CA12: variants seen among roughly 807,000 people sequenced by gnomAD.
CA12 encodes the protein carbonate dehydratase XII.
In CA12, 36 loss-of-function variants were observed where a neutral mutation model predicts 46.8. The ratio of observed to expected loss-of-function variants is 0.77; its 90% CI spans 0.59 to 1.02. The LOEUF (loss-of-function observed/expected upper bound fraction) is 1.02, where lower values mean the gene tolerates loss of function less well. Among genes scored for constraint, CA12 ranks in the 50% least tolerant of loss-of-function variants. The pLI, the probability that CA12 is intolerant of heterozygous loss-of-function variation, is 0.00. For synonymous variants in CA12, 202 were observed against 187.0 expected, an observed-to-expected ratio of 1.08 and a Z score of -0.65; for missense variants, 436 against 451.4, an observed-to-expected ratio of 0.97 and a Z score of 0.31.
intron 1 of CA12, among the ~76,000 whole-genome samples, chr15:63,381,237 G>A (rs1386175370): frequency 3.3e-5 from 5 of 152,112 alleles, no homozygotes; most frequent in Non-Finnish European, 7.3e-5. Context: ...CTGCACAGGG[G>A]CACAGCAAAC....
chr15:63,340,383 A>G lies in CA12; in HGVS notation c.652T>C (p.Tyr218His). ...GTCAGGGACCCCCGGTAGCGGTAAT[A>G]TTCAGCGGTCCTCTCCGGAAGCAGC... ...EELLPERTAE[Y>H]YRYRGSLTTP... The change falls in exon 7 of 11, where the codon TAT (tyrosine) becomes CAT (histidine). Residue 218 changes from tyrosine to histidine, a missense_variant. Transcript: ENST00000178638. The surrounding 1 kb of genome is among the most constrained non-coding windows in gnomAD (Gnocchi z 4.4). The G allele has an allele frequency of 6.2e-7, 1 of 1,614,198 alleles. No individual in the cohort carries two copies. The highest frequency in any genetic ancestry group is 8.5e-7 in the Non-Finnish European group (1 of 1,180,022).
chr15:63,349,108 A>T (rs1358129030), intron 2 of CA12, among the ~76,000 whole-genome samples: 1 of 151,476 alleles, frequency 6.6e-6, no homozygotes, highest in Non-Finnish European at 1.5e-5. Flanking sequence ...TCAGTGGGTT[A>T]TGTTCCCTGC....
intron 8 of CA12, among the ~76,000 whole-genome samples, chr15:63,333,904 C>T (rs1414136369): frequency 2.6e-5 from 4 of 152,202 alleles, no homozygotes; most frequent in Non-Finnish European, 4.4e-5. Context: ...TTTTGTCCCT[C>T]AAGTTTCCAT....
At position 63,345,557 on chromosome 15, in the gene CA12, G is replaced by A; in HGVS notation, c.349C>T (p.Gln117Ter). 1 of 1,613,468 alleles carries A rather than the reference G, an allele frequency of 6.2e-7. No individual in the cohort carries two copies. Among genetic ancestry groups the A allele is most frequent in the Non-Finnish European group, 8.5e-7 (1 of 1,180,010 alleles). The change falls in exon 4 of 11, where the codon CAG becomes TAG. Residue 117 changes from glutamine to a stop codon, truncating the protein, a stop_gained. Transcript: ENST00000178638. LOFTEE classifies it high-confidence loss of function. The surrounding 1 kb of genome is among the most constrained non-coding windows in gnomAD (Gnocchi z 4.3). ...GGGTTCCCCCAGTGCAGGTGCAGCT[G>A]CGTGGCACTGTAGCGAGACTGGAGG... ...QGLQSRYSAT[Q>*]LHLHWGNPND... is the part of the protein sequence containing the mutation.
intron 2 of CA12, among the ~76,000 whole-genome samples, chr15:63,362,664 G>A (rs998067795): frequency 2.0e-5 from 3 of 152,202 alleles, no homozygotes; most frequent in Non-Finnish European, 4.4e-5. Flanking sequence ...AAGATTGGCC[G>A]CTGGACGTTG....
intron 4 of CA12, among the ~76,000 whole-genome samples, chr15:63,342,439 T>C (rs898000363): frequency 1.3e-5 from 2 of 152,114 alleles, no homozygotes; most frequent in African/African-American, 2.4e-5. Flanking sequence ...CGGTTGAGAG[T>C]TATCATCAAT....
chr15:63,346,733 A>G (rs2039155544), intron 2 of CA12, 24 bp from the exon 3 acceptor site: 5 of 1,612,750 alleles, frequency 3.1e-6, no homozygotes, highest in Middle Eastern at 1.6e-4. Context: ...TCCATGCTCA[A>G]GATTTAGAGT....
intron 4 of CA12, 129 bp from the exon 5 acceptor site, chr15:63,342,226 T>C: frequency 1.4e-6 from 1 of 702,252 alleles, no homozygotes. Context: ...CTAGGTTAGG[T>C]CTCTCAGACC....
chr15:63,350,950 G>A (rs935534739), intron 2 of CA12, among the ~76,000 whole-genome samples: 1 of 151,926 alleles, frequency 6.6e-6, no homozygotes, highest in Non-Finnish European at 1.5e-5. Context: ...AAAACATAAG[G>A]GCTCTTAAAA....
chr15:63,366,560 C>T (rs1479846434), intron 2 of CA12, among the ~76,000 whole-genome samples: 1 of 152,188 alleles, frequency 6.6e-6, no homozygotes, highest in Non-Finnish European at 1.5e-5. Flanking sequence ...AATACTTATC[C>T]GTTTCTTTAG....
chr15:63,371,491 C>G (rs2039506442), intron 2 of CA12, among the ~76,000 whole-genome samples: 1 of 152,176 alleles, frequency 6.6e-6, no homozygotes, highest in African/African-American at 2.4e-5. Context: ...CACCTGGCAC[C>G]CCCGTGCCAG....
Position 63,331,708 on chromosome 15 carries a change from AG to A in CA12, c.875-3579del. ...CGATGGTCACACACCTTGCCCAGGA[AG>A]GTACAGACACCCGGAGAAGGTCGGT... On this transcript the variant is annotated intron_variant, in intron 8 of 10. Transcript: ENST00000178638. The surrounding 1 kb of genome is among the most constrained non-coding windows in gnomAD (Gnocchi z 5.3). 6.6e-6 allele frequency: 1 copy of A among 152,382 alleles called. No individual in the cohort carries two copies. Among genetic ancestry groups the A allele is most frequent in the Non-Finnish European group, 1.5e-5 (1 of 68,054 alleles). 9.4% of individuals were successfully genotyped at this position (152,382 alleles called of 1,614,324 possible).
At position 63,341,678 on chromosome 15, in the gene CA12, G is replaced by T. The variant is rs2039081278; in HGVS notation, c.525+324C>A. Among the ~76,000 whole-genome samples the T allele has an allele frequency of 6.6e-6, 1 of 152,178 alleles. No homozygotes were observed. Among genetic ancestry groups the T allele is most frequent in the South Asian group, 2.1e-4 (1 of 4,828 alleles). On this transcript the variant is annotated intron_variant, in intron 5 of 10. Transcript: ENST00000178638. The surrounding 1 kb of genome is among the most constrained non-coding windows in gnomAD (Gnocchi z 5.2). ...ATCAAGAGTTCAGGCATCTGATGGG[G>T]CAGATGGAGTTTGATGATCCCTTTC... is the stretch of plus-strand genomic sequence containing the variant.
rs2039128964 is a variant in CA12 at position 63,345,144 on chromosome 15, T to G, written c.429+333A>C. On this transcript the variant is annotated intron_variant, in intron 4 of 10. Transcript: ENST00000178638. The surrounding 1 kb of genome is among the most constrained non-coding windows in gnomAD (Gnocchi z 4.3). ...AGCCCAGTGTGAGTCAGCAGGAGAT[T>G]TTTATCTGCACAGATAGGAAGGCAA... is the stretch of plus-strand genomic sequence containing the variant. 6.6e-6 allele frequency among the ~76,000 whole-genome samples: 1 copy of G among 152,152 alleles called. No individual in the cohort carries two copies. The highest frequency in any genetic ancestry group is 1.5e-5 in the Non-Finnish European group (1 of 68,020).
intron 2 of CA12, chr15:63,375,384 T>G: frequency 2.7e-6 from 1 of 364,300 alleles, no homozygotes; most frequent in Admixed American, 4.4e-5. Flanking sequence ...ATCTTGGAGG[T>G]TTGGTAGAAA....
At chr15:63,343,695 G>A (rs187773225) in intron 4 of CA12, among the ~76,000 whole-genome samples, 2 of 152,196 alleles carry the variant, frequency 1.3e-5, no homozygotes, top group Admixed American at 6.5e-5. Context: ...GGCATTTATG[G>A]TCCATCTTAA....
At position 63,381,778 on chromosome 15, in the gene CA12, C is replaced by G. The variant is rs1363743386; in HGVS notation, c.-58G>C. ...GTGCCGGGGGCTCCCGGTGGCCGCT[C>G]GCTCTCCAGCTGCACACCGGGACCG... On this transcript the variant is annotated 5_prime_UTR_variant, in exon 1 of 11. Coordinates refer to ENST00000178638, the MANE Select transcript of CA12 (RefSeq NM_001218.5). The G allele has an allele frequency of 1.6e-6, 2 of 1,231,084 alleles. No homozygotes were observed. The highest frequency in any genetic ancestry group is 1.1e-6 in the Non-Finnish European group (1 of 911,136). The allele number at this position is 1,231,084 out of a possible 1,614,324, so 76.3% of individuals were successfully genotyped here.
At chr15:63,364,886 G>T (rs2039418795) in intron 2 of CA12, among the ~76,000 whole-genome samples, 1 of 152,226 alleles carries the variant, frequency 6.6e-6, no homozygotes, top group Non-Finnish European at 1.5e-5. Context: ...TTTCAGCCCT[G>T]TGCTGCTGAC....
Position 63,374,370 on chromosome 15 carries a change from C to T in CA12, c.106+1288G>A, listed in dbSNP as rs2039545051. ...TGAAAGCCCTCCTCCTCCAGGAGGC[C>T]TTCCCTGACCATCTAGCCCTAGCAC... On this transcript the variant is annotated intron_variant, in intron 2 of 10. Transcript: ENST00000178638. This position sits in a 1 kb window ranked among gnomAD's most constrained non-coding sequence, Gnocchi z 4.4. Among the ~76,000 whole-genome samples the T allele has an allele frequency of 6.6e-6, 1 of 152,204 alleles. No individual in the cohort carries two copies. Among genetic ancestry groups the T allele is most frequent in the Non-Finnish European group, 1.5e-5 (1 of 68,052 alleles).
Sources: allele counts gnomAD v4.1 joint callset (sites outside exome capture counted in the v4.1 genomes callset), GRCh38; gene constraint gnomAD v4.1.1; non-coding constraint Gnocchi (gnomAD v3.1); transcripts MANE v1.5; gene names NCBI Gene and HGNC (gene_info 2026-07-23, HGNC 2026-07-21).